KCNQ5: variants seen among roughly 807,000 people sequenced by gnomAD.
KCNQ5 encodes potassium voltage-gated channel subfamily Q member 5, also known as potassium voltage-gated channel subfamily KQT member 5.
In KCNQ5, 30 loss-of-function variants were observed where a neutral mutation model predicts 98.2. The ratio of observed to expected loss-of-function variants is 0.31; its 90% CI spans 0.23 to 0.41. The LOEUF (loss-of-function observed/expected upper bound fraction) is 0.41. KCNQ5 is among the 10% of genes least tolerant of loss of function. The pLI is 1.00. For missense variants in KCNQ5, 835 were observed against 1,182.5 expected (o/e 0.71, Z 4.31); for synonymous variants, 458 against 449.4 (o/e 1.02, Z -0.24).
intron 3 of KCNQ5, among the ~76,000 whole-genome samples, chr6:73,044,083 T>A (rs1272587289): frequency 6.6e-6 from 1 of 152,140 alleles, no homozygotes; most frequent in East Asian, 1.9e-4. Flanking sequence ...CCCAGGAGTT[T>A]AAGACCAGCC....
chr6:72,765,826 G>C (rs1032463131), intron 1 of KCNQ5, among the ~76,000 whole-genome samples: 1 of 152,026 alleles, frequency 6.6e-6, no homozygotes, highest in Non-Finnish European at 1.5e-5. Flanking sequence ...CTGTAGGTAG[G>C]AAACAAGAGT....
chr6:72,969,563 C>G (rs1373783704), intron 1 of KCNQ5, among the ~76,000 whole-genome samples: 1 of 151,944 alleles, frequency 6.6e-6, no homozygotes, highest in African/African-American at 2.4e-5. Flanking sequence ...TCAGAATTCC[C>G]TTCATCTTCC....
At chr6:72,877,148 C>T (rs1778437695) in intron 1 of KCNQ5, among the ~76,000 whole-genome samples, 1 of 152,052 alleles carries the variant, frequency 6.6e-6, no homozygotes, top group African/African-American at 2.4e-5. Flanking sequence ...CTGCACCTAT[C>T]AACCTGTCAT....
chr6:72,905,116 G>A (rs1210679565), intron 1 of KCNQ5, among the ~76,000 whole-genome samples: 2 of 152,018 alleles, frequency 1.3e-5, no homozygotes, highest in Admixed American at 6.6e-5. Context: ...TAATTCAAAC[G>A]CCTTATCTTC....
chr6:72,752,544 C>T (rs1183046088), intron 1 of KCNQ5, among the ~76,000 whole-genome samples: 1 of 152,086 alleles, frequency 6.6e-6, no homozygotes, highest in Non-Finnish European at 1.5e-5. Flanking sequence ...CTCTGCCCCA[C>T]CCATTGATAT....
chr6:72,950,974 T>A (rs1766775471), intron 1 of KCNQ5, among the ~76,000 whole-genome samples: 1 of 152,204 alleles, frequency 6.6e-6, no homozygotes, highest in African/African-American at 2.4e-5. Context: ...TTCTCTGGCC[T>A]TTTTTGTTAC....
intron 9 of KCNQ5, chr6:73,124,756 G>A: frequency 3.7e-6 from 2 of 535,576 alleles, no homozygotes; most frequent in South Asian, 4.7e-5. Context: ...TGGAGGTGGG[G>A]GAGGAGGGGA....
intron 3 of KCNQ5, among the ~76,000 whole-genome samples, chr6:73,063,686 T>TAGATAGATGATTGATA (rs55995543): frequency 1.1e-5 from 1 of 93,242 alleles, no homozygotes; most frequent in African/African-American, 4.0e-5. Context: ...GATAGATAGA[T>TAGATAGATGATTGATA]GATAGATAGA....
chr6:72,815,719 A>T (rs1775477421), intron 1 of KCNQ5, among the ~76,000 whole-genome samples: 1 of 152,204 alleles, frequency 6.6e-6, no homozygotes, highest in Non-Finnish European at 1.5e-5. Context: ...ACTATTGGGC[A>T]GTGAGTTTAG....
intron 1 of KCNQ5, among the ~76,000 whole-genome samples, chr6:72,885,807 C>T (rs1778823090): frequency 1.3e-5 from 2 of 152,220 alleles, no homozygotes; most frequent in African/African-American, 4.8e-5. Flanking sequence ...GCAAAAACTG[C>T]TTAAGGGCAA....
At chr6:72,698,264 G>A (rs1006109546) in intron 1 of KCNQ5, among the ~76,000 whole-genome samples, 4 of 151,946 alleles carry the variant, frequency 2.6e-5, no homozygotes, top group African/African-American at 9.7e-5. Context: ...GTGCAATGGC[G>A]TGATCTTGGC....
chr6:72,893,492 C>T (rs759958556), intron 1 of KCNQ5, among the ~76,000 whole-genome samples: 1 of 152,148 alleles, frequency 6.6e-6, no homozygotes, highest in East Asian at 1.9e-4. Flanking sequence ...TGACACACAT[C>T]TTCCCCAGCC....
intron 1 of KCNQ5, among the ~76,000 whole-genome samples, chr6:72,737,559 G>A (rs1770914095): frequency 1.3e-5 from 2 of 152,108 alleles, no homozygotes; most frequent in Non-Finnish European, 2.9e-5. Flanking sequence ...GGACATTGGA[G>A]GGTGGTGTTC....
chr6:72,745,158 T>C (rs1016160084), intron 1 of KCNQ5, among the ~76,000 whole-genome samples: 20 of 152,328 alleles, frequency 1.3e-4, no homozygotes, highest in African/African-American at 4.8e-4. Flanking sequence ...CTTTGTCTTA[T>C]TGCTTTGCCA....
chr6:73,032,012 C>T (rs926159192), intron 2 of KCNQ5, among the ~76,000 whole-genome samples: 11 of 152,158 alleles, frequency 7.2e-5, no homozygotes, highest in Non-Finnish European at 1.5e-4. Context: ...CTGCCTCTCA[C>T]TCTCAGTAGC....
intron 1 of KCNQ5, among the ~76,000 whole-genome samples, chr6:72,650,492 C>T (rs1263962135): frequency 1.3e-5 from 2 of 152,124 alleles, no homozygotes; most frequent in South Asian, 4.1e-4. Context: ...AAAATATTTT[C>T]AAACTGGCTT....
rs532931149 is a variant in KCNQ5 at position 72,698,462 on chromosome 6, C to A, written c.398+75875C>A. The stretch of plus-strand genomic sequence containing the variant: ...AGATGATCCACCTGCTTCGGCCTCC[C>A]AAAATGCTGGGATTACAGGTGTGAG... On this transcript the variant is annotated intron_variant, in intron 1 of 13. Coordinates refer to ENST00000370398, the MANE Select transcript of KCNQ5 (RefSeq NM_019842.4). Among the ~76,000 whole-genome samples, 370 of 152,094 alleles carry A rather than the reference C, an allele frequency of 2.4e-3. 1 individual carries two copies. Among genetic ancestry groups the A allele is most frequent in the Non-Finnish European group, 4.1e-3 (279 of 67,976 alleles).
At chr6:72,955,865 A>T (rs1437516426) in intron 1 of KCNQ5, among the ~76,000 whole-genome samples, 2 of 152,174 alleles carry the variant, frequency 1.3e-5, no homozygotes, top group African/African-American at 4.8e-5. Flanking sequence ...AGTTGCAGTG[A>T]GCTGAGATAG....
chr6:72,692,895 C>T (rs940273869), intron 1 of KCNQ5, among the ~76,000 whole-genome samples: 5 of 151,998 alleles, frequency 3.3e-5, no homozygotes, highest in African/African-American at 9.7e-5. Context: ...GTATGCAACA[C>T]CAAGAAATTT....
Sources: gnomAD v4.1 joint callset for allele counts (sites outside exome capture counted in the v4.1 genomes callset) on GRCh38, gnomAD v4.1.1 for gene constraint, MANE v1.5 for transcripts, NCBI Gene and HGNC (gene_info 2026-07-23, HGNC 2026-07-21) for gene names.